Variants in DLC1 observed in about 807,000 individuals in gnomAD.
The protein encoded by DLC1 is DLC1 Rho GTPase activating protein, also known as rho GTPase-activating protein 7.
DLC1 carries 54 observed loss-of-function variants against 140.3 expected under a neutral mutation model. The observed-to-expected ratio is 0.38, with a 90% confidence interval of 0.31 to 0.48. The LOEUF (loss-of-function observed/expected upper bound fraction) is 0.48. Among genes scored for constraint, DLC1 ranks in the 20% least tolerant of loss-of-function variants. The pLI is 0.96. For synonymous variants in DLC1, 986 were observed against 728.1 expected (o/e 1.35, Z -5.70); for missense variants, 2,536 against 1,907.0 (o/e 1.33, Z -6.14).
intron 5 of DLC1, among the ~76,000 whole-genome samples, chr8:13,259,696 T>A (rs1331132511): frequency 6.6e-6 from 1 of 152,204 alleles, no homozygotes; most frequent in Non-Finnish European, 1.5e-5. Flanking sequence ...AATAGAAATG[T>A]TGGCTTATTT....
chr8:13,245,767 C>G (rs966221266), intron 5 of DLC1, among the ~76,000 whole-genome samples: 5 of 152,132 alleles, frequency 3.3e-5, no homozygotes, highest in African/African-American at 9.7e-5. Flanking sequence ...GTGGCATGAT[C>G]TCAGCTCACT....
At chr8:13,167,845 A>G (rs996180726) in intron 5 of DLC1, among the ~76,000 whole-genome samples, 2 of 152,228 alleles carry the variant, frequency 1.3e-5, no homozygotes, top group African/African-American at 4.8e-5. Flanking sequence ...TTGTTATTTT[A>G]TTAAACCGCA....
At chr8:13,280,716 T>A (rs765472960) in intron 5 of DLC1, among the ~76,000 whole-genome samples, 81 of 152,342 alleles carry the variant, frequency 5.3e-4, no homozygotes, top group Middle Eastern at 6.8e-3. Context: ...CTGTTGCTGA[T>A]GAAAATCATT....
At chr8:13,510,446 C>T (rs1358603028) in intron 1 of DLC1, among the ~76,000 whole-genome samples, 3 of 152,052 alleles carry the variant, frequency 2.0e-5, no homozygotes, top group African/African-American at 4.8e-5. Context: ...CATATTCTTT[C>T]TTGATTAATT....
At chr8:13,164,220 C>T (rs1392757788) in intron 5 of DLC1, among the ~76,000 whole-genome samples, 2 of 151,932 alleles carry the variant, frequency 1.3e-5, no homozygotes, top group Admixed American at 6.6e-5. Flanking sequence ...TCGTTTAAAC[C>T]TGGGAGGCGG....
chr8:13,353,641 G>A (rs1180176523), intron 4 of DLC1: 1 of 152,228 alleles, frequency 6.6e-6, no homozygotes, highest in Non-Finnish European at 1.5e-5. Context: ...CGGCTCACCT[G>A]AGGTCAGGAA....
chr8:13,086,217 C>G, intron 17 of DLC1, 73 bp downstream of exon 17: 2 of 1,543,010 alleles, frequency 1.3e-6, no homozygotes, highest in Non-Finnish European at 1.8e-6. Context: ...TTAAGGCATT[C>G]TTTGCATTAG....
At chr8:13,385,945 G>T (rs1414373211) in intron 4 of DLC1, among the ~76,000 whole-genome samples, 6 of 152,158 alleles carry the variant, frequency 3.9e-5, no homozygotes, top group Non-Finnish European at 1.5e-5. Context: ...TGAATAAAGT[G>T]AAGACTGTGA....
chr8:13,325,217 A>G (rs1021561526), intron 4 of DLC1, among the ~76,000 whole-genome samples: 3 of 152,206 alleles, frequency 2.0e-5, no homozygotes, highest in Non-Finnish European at 2.9e-5. Flanking sequence ...AGTATGGTTT[A>G]TTCAGAGCTC....
chr8:13,289,429 T>C (rs57368016), intron 5 of DLC1, among the ~76,000 whole-genome samples: 16,818 of 152,156 alleles, frequency 0.11, 1,168 homozygotes, highest in African/African-American at 0.19. Flanking sequence ...TGGCCTCAAG[T>C]GATCCTCCTA....
intron 4 of DLC1, chr8:13,339,471 C>T (rs1833942225): frequency 6.6e-6 from 1 of 152,180 alleles, no homozygotes; most frequent in Non-Finnish European, 1.5e-5. Flanking sequence ...GGAATCATCA[C>T]ACCAGGCAAC....
chr8:13,376,110 T>C (rs1249091400), intron 4 of DLC1, among the ~76,000 whole-genome samples: 1 of 152,208 alleles, frequency 6.6e-6, no homozygotes, highest in East Asian at 1.9e-4. Context: ...TGGCATCCGC[T>C]AGCTGAAGAA....
intron 5 of DLC1, among the ~76,000 whole-genome samples, chr8:13,277,344 G>C (rs1197366231): frequency 1.3e-5 from 2 of 152,136 alleles, no homozygotes; most frequent in Admixed American, 6.5e-5. Flanking sequence ...ATGGACACCT[G>C]AGTTTTAAAC....
At chr8:13,335,477 A>G (rs1044625139) in intron 4 of DLC1, among the ~76,000 whole-genome samples, 5 of 152,230 alleles carry the variant, frequency 3.3e-5, no homozygotes, top group Non-Finnish European at 7.3e-5. Flanking sequence ...AGATCAGCTC[A>G]TATTTATCGT....
At chr8:13,222,910 G>T (rs1373755124) in intron 5 of DLC1, among the ~76,000 whole-genome samples, 1 of 151,888 alleles carries the variant, frequency 6.6e-6, no homozygotes, top group Non-Finnish European at 1.5e-5. Flanking sequence ...TACCCAGCTA[G>T]TAATTTTTTT....
intron 7 of DLC1, among the ~76,000 whole-genome samples, chr8:13,105,575 G>T (rs761864583): frequency 6.6e-6 from 1 of 151,380 alleles, no homozygotes; most frequent in Non-Finnish European, 1.5e-5. Flanking sequence ...TAACTTCTAG[G>T]TTCCTTTCTT....
Position 13,499,590 on chromosome 8 carries a change from G to A in DLC1, c.482C>T (p.Ser161Phe). ...TTCACCAGCTATTCCCCAGGAGTTA[G>A]AAGAAACTTGGTTACTTTGTATGAT... is the stretch of plus-strand genomic sequence containing the variant. The part of the protein sequence containing the change: ...LPIIQSNQVS[S>F]NSWGIAGETE... The change falls in exon 2 of 18, where the codon TCT (serine) becomes TTT (phenylalanine). Residue 161 changes from serine to phenylalanine, a missense_variant. By Grantham distance (155) the Ser-to-Phe change is radical (BLOSUM62 -2). Transcript: ENST00000276297. The A allele has an allele frequency of 1.9e-6, 3 of 1,614,166 alleles. No individual in the cohort carries two copies. Among genetic ancestry groups the A allele is most frequent in the Middle Eastern group, 1.6e-4 (1 of 6,062 alleles).
At chr8:13,188,807 A>G (rs562031276) in intron 5 of DLC1, among the ~76,000 whole-genome samples, 310 of 36,714 alleles carry the variant, frequency 8.4e-3, no homozygotes, top group African/African-American at 0.035. Flanking sequence ...GTGTGTATAT[A>G]TATATATATA....
At chr8:13,202,389 A>G (rs1827437048) in intron 5 of DLC1, among the ~76,000 whole-genome samples, 1 of 152,238 alleles carries the variant, frequency 6.6e-6, no homozygotes, top group South Asian at 2.1e-4. Context: ...TGACATATCC[A>G]TCACCTCAAA....
Sources: gnomAD v4.1 joint callset for allele counts (sites outside exome capture counted in the v4.1 genomes callset) on GRCh38, gnomAD v4.1.1 for gene constraint, MANE v1.5 for transcripts, NCBI Gene and HGNC (gene_info 2026-07-23, HGNC 2026-07-21) for gene names.